The following COL18A1 variants were observed in gnomAD, a reference collection of about 807,000 sequenced individuals.
COL18A1 encodes the protein collagen type XVIII alpha 1 chain, also known as collagen alpha-1(XVIII) chain.
A neutral mutation model predicts 168.0 loss-of-function variants in COL18A1; 133 were observed. The ratio of observed to expected loss-of-function variants is 0.79; its 90% confidence interval spans 0.69 to 0.91. COL18A1 has a LOEUF of 0.91. COL18A1 is among the 40% of genes least tolerant of loss of function. COL18A1 has a pLI of 0.00. For synonymous variants in COL18A1, 949 were observed against 809.0 expected, an observed-to-expected ratio of 1.17 and a Z score of -2.94; for missense variants, 2,126 against 1,925.4, an observed-to-expected ratio of 1.10 and a Z score of -1.95.
intron 34 of COL18A1, among the ~76,000 whole-genome samples, chr21:45,504,929 T>G (rs1407813676): frequency 6.6e-6 from 1 of 152,094 alleles, no homozygotes; most frequent in Non-Finnish European, 1.5e-5. Flanking sequence ...AGGTCTCTGC[T>G]GGTCTCTCCC....
rs1352720611 is a variant in COL18A1, at chr21:45,437,782, TCACTCA to T, written c.107-30456_107-30451del. Among the ~76,000 whole-genome samples the T allele has an allele frequency of 2.7e-4, 6 of 22,224 alleles. 2 individuals are homozygous for T. Among genetic ancestry groups the T allele is most frequent in the African/African-American group, 5.1e-4 (1 of 1,942 alleles). The allele number at this position is 22,224 out of a possible 152,430, so 14.6% of individuals were successfully genotyped here. On this transcript the variant is annotated intron_variant, in intron 2 of 41. Coordinates refer to ENST00000651438, the MANE Select transcript of COL18A1 (RefSeq NM_001379500.1). ...GGCACTCTCCTGCACACACACACAC[TCACTCA>T]CACACAGACACACAGGCACTCTCCT...
chr21:45,424,929 C>T (rs2033743366), intron 2 of COL18A1: 1 of 152,362 alleles, frequency 6.6e-6, no homozygotes, highest in African/African-American at 2.4e-5. Context: ...TTTTCCTTCT[C>T]TTTGATGTGT....
Position 45,463,422 on chromosome 21 carries a change from C to T in COL18A1, c.107-4820C>T, listed in dbSNP as rs78767935. The stretch of plus-strand genomic sequence containing the variant: ...TTTAGCTAAATTAACCACCCGTTAC[C>T]GTCCAAGCCTTCCTGTGGACATTGC... On this transcript the variant is annotated intron_variant, in intron 2 of 41. Transcript: ENST00000651438. This position sits in a 1 kb window ranked among gnomAD's most constrained non-coding sequence, Gnocchi z 4.0. Among the ~76,000 whole-genome samples the T allele has an allele frequency of 0.029, 4,445 of 152,284 alleles. 226 individuals are homozygous for T. Among genetic ancestry groups the T allele is most frequent in the African/African-American group, 0.1 (4,197 of 41,518 alleles).
intron 2 of COL18A1, among the ~76,000 whole-genome samples, chr21:45,439,330 G>C (rs1364143814): frequency 2.0e-5 from 3 of 152,222 alleles, no homozygotes; most frequent in Admixed American, 1.3e-4. Flanking sequence ...CGGCTCCTCT[G>C]GTGCGTGCCT....
In COL18A1 at chr21:45,480,379, G is replaced by C. The variant is rs1009422109; in HGVS notation, c.1399-88G>C. On this transcript the variant is annotated intron_variant, in intron 11 of 41. Coordinates refer to ENST00000651438, the MANE Select transcript of COL18A1 (RefSeq NM_001379500.1). ...TCTCAGCTCCTTGTAGAAACAGCTCGATATGCAGCTTGCGGGGCAGGGGCC... is the reference window on the plus strand; with the variant it reads ...TCTCAGCTCCTTGTAGAAACAGCTCCATATGCAGCTTGCGGGGCAGGGGCC... 2.7e-5 allele frequency: 44 copies of C among 1,610,662 alleles called. 1 individual carries two copies. Among genetic ancestry groups the C allele is most frequent in the Non-Finnish European group, 2.6e-5 (31 of 1,178,760 alleles).
intron 2 of COL18A1, among the ~76,000 whole-genome samples, chr21:45,438,661 C>T (rs1432461429): frequency 4.6e-5 from 7 of 152,220 alleles, no homozygotes; most frequent in Non-Finnish European, 8.8e-5. Flanking sequence ...GCACTGAGCC[C>T]TTCCATGGCT....
chr21:45,507,997 GTGGA>G (rs1172396922), intron 38 of COL18A1, among the ~76,000 whole-genome samples: 1 of 151,070 alleles, frequency 6.6e-6, no homozygotes, highest in Admixed American at 6.6e-5. Context: ...CAATGGGGAG[GTGGA>G]TGGATGGATG....
At chr21:45,478,219 C>A in intron 8 of COL18A1, 108 bp from the exon 9 acceptor site, 1 of 1,467,006 alleles carries the variant, frequency 6.8e-7, no homozygotes, top group Non-Finnish European at 9.5e-7. Flanking sequence ...GGGAAGGCGT[C>A]TGCCGCCTCG....
At chr21:45,437,718 G>C (rs1270172674) in intron 2 of COL18A1, among the ~76,000 whole-genome samples, 1 of 30,196 alleles carries the variant, frequency 3.3e-5, no homozygotes. Context: ...AGACACACAG[G>C]CACTCTCCTG....
At chr21:45,496,297 A>T in intron 29 of COL18A1, 1 of 713,284 alleles carries the variant, frequency 1.4e-6, no homozygotes, top group Non-Finnish European at 2.6e-6. Context: ...GCACGACTCC[A>T]GCGTGGGATG....
At chr21:45,426,902 A>AG (rs1204860797) in intron 2 of COL18A1, among the ~76,000 whole-genome samples, 1 of 152,148 alleles carries the variant, frequency 6.6e-6, no homozygotes. Flanking sequence ...CTTGAACAGC[A>AG]GGGGGCTGAG....
chr21:45,432,173 G>C (rs1267955789), intron 2 of COL18A1, among the ~76,000 whole-genome samples: 1 of 152,230 alleles, frequency 6.6e-6, no homozygotes, highest in Non-Finnish European at 1.5e-5. Context: ...GCCTCTCCCT[G>C]CCCCAGCAGG....
intron 29 of COL18A1, chr21:45,495,726 ACAC>A (rs1568928088): frequency 4.8e-6 from 2 of 412,398 alleles, no homozygotes; most frequent in South Asian, 2.1e-5. Flanking sequence ...ACACGCACAC[ACAC>A]ATCCACACGT....
rs1277519743 is a variant in COL18A1, at chr21:45,497,057, C to T, written c.2585C>T (p.Ala862Val). Residue 862 changes from alanine (A) to valine (V), a missense_variant, in exon 31 of 42, where the codon GCT (alanine) becomes GTT (valine). Physicochemically the swap from Ala to Val is moderately conservative, Grantham distance 64 (BLOSUM62 0). Transcript: ENST00000651438. ...TCTCCCCGTTCCTTGCAGGTGTTTG[C>T]TGAGTCCAGCCGCCCCGGGCCTCCA... The part of the protein sequence containing the change: ...GTPVYDSNVF[A>V]ESSRPGPPGL... The T allele has an allele frequency of 1.9e-6, 3 of 1,603,100 alleles. No individual in the cohort carries two copies. Among genetic ancestry groups the T allele is most frequent in the Non-Finnish European group, 2.6e-6 (3 of 1,174,936 alleles).
chr21:45,431,765 G>A (rs1267662041), intron 2 of COL18A1, among the ~76,000 whole-genome samples: 1 of 152,126 alleles, frequency 6.6e-6, no homozygotes, highest in African/African-American at 2.4e-5. Flanking sequence ...TTTGGGCACA[G>A]GCAGGGCAGG....
chr21:45,510,979 C>CAT lies in COL18A1; in HGVS notation c.3694-132_3694-131insAT. ...ACCCCACATACACCCCCAAACACCC[C>CAT]CCACACCCCACACACACAACACACC... On this transcript the variant is annotated intron_variant, in intron 40 of 41. Transcript: ENST00000651438. The CAT allele has an allele frequency of 1.9e-3, 29 of 15,620 alleles. 14 individuals are homozygous for CAT. The East Asian group carries it at 0.02, about 11-fold the overall frequency. 1.0% of individuals were successfully genotyped at this position (15,620 alleles called of 1,614,324 possible). A position where few individuals can be genotyped will look rare whatever the true frequency, so the allele number is the denominator to read the frequency against.
At chr21:45,456,711 T>C (rs763551004) in intron 2 of COL18A1, 292 of 1,530,694 alleles carry the variant, frequency 1.9e-4, no homozygotes, top group Middle Eastern at 1.7e-4. Flanking sequence ...CTGCTGCTGG[T>C]CCCCCCATGC....
At chr21:45,492,938 A>T (rs1207407947) in intron 24 of COL18A1, among the ~76,000 whole-genome samples, 3 of 152,042 alleles carry the variant, frequency 2.0e-5, no homozygotes, top group Admixed American at 6.5e-5. Flanking sequence ...TTGCACCTGC[A>T]GAGGCCTGCA....
At chr21:45,464,514 C>A (rs780719347) in intron 2 of COL18A1, among the ~76,000 whole-genome samples, 1 of 152,134 alleles carries the variant, frequency 6.6e-6, no homozygotes, top group East Asian at 1.9e-4. Flanking sequence ...TTCCTATTGG[C>A]GACTGTAAGA....
Sources: allele counts gnomAD v4.1 joint callset (sites outside exome capture counted in the v4.1 genomes callset), GRCh38; gene constraint gnomAD v4.1.1; non-coding constraint Gnocchi (gnomAD v3.1); transcripts MANE v1.5; gene names NCBI Gene and HGNC (gene_info 2026-07-23, HGNC 2026-07-21).